The following TSNARE1 variants were observed in gnomAD, a reference collection of about 807,000 sequenced individuals.
TSNARE1 encodes the protein t-SNARE domain-containing protein 1.
A neutral mutation model predicts 62.0 loss-of-function variants in TSNARE1; 49 were observed. The observed-to-expected ratio is 0.79, with a 90% CI of 0.63 to 1.00. The LOEUF (loss-of-function observed/expected upper bound fraction) is 1.00, where lower values mean the gene tolerates loss of function less well. Among genes scored for constraint, TSNARE1 ranks in the 50% least tolerant of loss-of-function variants. The probability of loss-of-function intolerance (pLI) is 0.00; values close to 1 mark genes in which losing one functional copy is unlikely to be tolerated. For synonymous variants in TSNARE1, 328 were observed against 294.4 expected, an observed-to-expected ratio of 1.11 and a Z score of -1.17; for missense variants, 755 against 700.1, an observed-to-expected ratio of 1.08 and a Z score of -0.88.
intron 10 of TSNARE1, among the ~76,000 whole-genome samples, chr8:142,290,862 T>G (rs1823626731): frequency 6.6e-6 from 1 of 152,142 alleles, no homozygotes; most frequent in South Asian, 2.1e-4. Context: ...TATTCTGAGC[T>G]CTGTACCTGG....
At chr8:142,314,723 T>G (rs1828254035) in intron 8 of TSNARE1, among the ~76,000 whole-genome samples, 1 of 152,226 alleles carries the variant, frequency 6.6e-6, no homozygotes, top group South Asian at 2.1e-4. Context: ...TGGGCCCCAG[T>G]TTCCTCACCT....
chr8:142,225,702 C>G (rs1327483694), intron 13 of TSNARE1, among the ~76,000 whole-genome samples: 1 of 152,230 alleles, frequency 6.6e-6, no homozygotes, highest in Non-Finnish European at 1.5e-5. Flanking sequence ...ACCAGTGATG[C>G]CTGCCCCATG....
chr8:142,327,812 G>A (rs1004359781), intron 6 of TSNARE1, among the ~76,000 whole-genome samples: 1 of 152,200 alleles, frequency 6.6e-6, no homozygotes. Flanking sequence ...ATTCTGACAC[G>A]CAAGTCCCGG....
chr8:142,295,545 T>C (rs964596732), intron 10 of TSNARE1, among the ~76,000 whole-genome samples: 1 of 152,228 alleles, frequency 6.6e-6, no homozygotes, highest in Non-Finnish European at 1.5e-5. Context: ...ACGGCTGCCC[T>C]GCGGCCAGTG....
At chr8:142,357,992 C>A (rs1030463950) in intron 1 of TSNARE1, among the ~76,000 whole-genome samples, 6 of 149,042 alleles carry the variant, frequency 4.0e-5, no homozygotes, top group Non-Finnish European at 7.4e-5. Context: ...GAGCAGCCAG[C>A]GGCCATCACT....
chr8:142,316,617 C>G (rs1373467155), intron 7 of TSNARE1, among the ~76,000 whole-genome samples: 1 of 151,768 alleles, frequency 6.6e-6, no homozygotes, highest in Admixed American at 6.7e-5. Context: ...GCCCATCACC[C>G]CAGAAAGGGC....
intron 9 of TSNARE1, among the ~76,000 whole-genome samples, chr8:142,302,583 C>A (rs1473483286): frequency 6.6e-6 from 1 of 152,086 alleles, no homozygotes; most frequent in Non-Finnish European, 1.5e-5. Context: ...CAGCCCTCTG[C>A]GGGGAACATA....
At chr8:142,262,324 C>CGTGTGT (rs144256368) in intron 12 of TSNARE1, among the ~76,000 whole-genome samples, 474 of 148,860 alleles carry the variant, frequency 3.2e-3, no homozygotes, top group Non-Finnish European at 5.9e-3. Flanking sequence ...TATCCATGAA[C>CGTGTGT]GTGTGTGTGT....
At chr8:142,290,647 C>G (rs1823597026) in intron 10 of TSNARE1, among the ~76,000 whole-genome samples, 1 of 152,228 alleles carries the variant, frequency 6.6e-6, no homozygotes, top group Non-Finnish European at 1.5e-5. Flanking sequence ...ATGGAGCCAC[C>G]AAACCGTATG....
chr8:142,313,835 G>A (rs919119692), intron 9 of TSNARE1, among the ~76,000 whole-genome samples: 11 of 152,322 alleles, frequency 7.2e-5, no homozygotes, highest in South Asian at 2.1e-4. Context: ...ATGCAGTGGC[G>A]TGATCTCGGC....
At chr8:142,344,706 C>T (rs773110648) in intron 3 of TSNARE1, among the ~76,000 whole-genome samples, 9 of 152,218 alleles carry the variant, frequency 5.9e-5, no homozygotes, top group Non-Finnish European at 1.2e-4. Flanking sequence ...GGTCACAGTG[C>T]CCCATCTCCA....
At chr8:142,271,322 C>A in intron 12 of TSNARE1, 15 of 1,140,324 alleles carry the variant, frequency 1.3e-5, no homozygotes, top group Non-Finnish European at 1.6e-5. Flanking sequence ...CTCGGCCAGC[C>A]GCTGCAGCAG....
intron 9 of TSNARE1, among the ~76,000 whole-genome samples, chr8:142,302,815 A>G (rs1825998661): frequency 6.6e-6 from 1 of 152,072 alleles, no homozygotes. Flanking sequence ...CCTGGGGTGC[A>G]GGCAACCTCT....
At chr8:142,229,378 G>A (rs1816991879) in intron 13 of TSNARE1, 95 bp downstream of exon 13, 1 of 992,164 alleles carries the variant, frequency 1.0e-6, no homozygotes, top group Non-Finnish European at 1.6e-6. Flanking sequence ...ATAGATGGAT[G>A]GATGGTGGAT....
rs191770454 is a variant in TSNARE1, at chr8:142,302,685, T to C, written c.1132-2041A>G. Among the ~76,000 whole-genome samples, 47 of 152,228 alleles carry C rather than the reference T, an allele frequency of 3.1e-4. No homozygotes were observed. In the East Asian group the frequency reaches 7.0e-3, roughly 23 times the overall value. ...TCTGCTCATCAGGGCCCTCAGGCAG[T>C]GTGGACAGCTTTGCCAGGTCCTAGC... On this transcript the variant is annotated intron_variant, in intron 9 of 13. Transcript: ENST00000524325.
chr8:142,295,710 A>G (rs545538582), intron 10 of TSNARE1, among the ~76,000 whole-genome samples: 145 of 152,204 alleles, frequency 9.5e-4, no homozygotes, highest in African/African-American at 3.0e-3. Flanking sequence ...GATGCCCAAC[A>G]TAAACCAGTA....
intron 12 of TSNARE1, among the ~76,000 whole-genome samples, chr8:142,256,477 T>TACCACCACCACCATCACC (rs1289833744): frequency 8.7e-6 from 1 of 114,634 alleles, no homozygotes; most frequent in Non-Finnish European, 1.8e-5. Flanking sequence ...ACACCATCAC[T>TACCACCACCACCATCACC]ATCACCACCA....
At chr8:142,224,230 A>T (rs1416108242) in intron 13 of TSNARE1, among the ~76,000 whole-genome samples, 1 of 152,204 alleles carries the variant, frequency 6.6e-6, no homozygotes, top group East Asian at 1.9e-4. Context: ...GGAGGCTCCA[A>T]TACAGAGACC....
chr8:142,323,713 G>A (rs1169274729), intron 6 of TSNARE1, among the ~76,000 whole-genome samples: 4 of 152,228 alleles, frequency 2.6e-5, no homozygotes, highest in African/African-American at 7.2e-5. Context: ...GAGCCAGGGA[G>A]TCACCATCCT....
Sources: gnomAD v4.1 joint callset for allele counts (sites outside exome capture counted in the v4.1 genomes callset) on GRCh38, gnomAD v4.1.1 for gene constraint, MANE v1.5 for transcripts, NCBI Gene and HGNC (gene_info 2026-07-23, HGNC 2026-07-21) for gene names.